Variants in HDGFL3 observed in about 807,000 individuals in gnomAD.
HDGFL3 encodes HDGF like 3.
Under a neutral mutation model 27.6 loss-of-function variants are expected in HDGFL3, and 6 were observed. That is an observed-to-expected ratio of 0.22 (90% confidence interval 0.12 to 0.43). The LOEUF is 0.43. HDGFL3 is among the 20% of genes least tolerant of loss of function. The pLI is 1.00. For synonymous variants in HDGFL3, 88 were observed against 88.9 expected (o/e 0.99, Z 0.05); for missense variants, 207 against 250.1 (o/e 0.83, Z 1.16).
At chr15:83,182,270 AAGT>A in intron 1 of HDGFL3, among the ~76,000 whole-genome samples, 1 of 152,354 alleles carries the variant, frequency 6.6e-6, no homozygotes, top group East Asian at 1.9e-4. Context: ...AGTAGGCATG[AAGT>A]AGTATCTTCT....
chr15:83,118,021 G>C (rs2034836978), intron 3 of HDGFL3, among the ~76,000 whole-genome samples: 1 of 152,200 alleles, frequency 6.6e-6, no homozygotes, highest in Admixed American at 6.5e-5. Flanking sequence ...ATGAAAAAAT[G>C]ACCATGTGGT....
intron 1 of HDGFL3, among the ~76,000 whole-genome samples, chr15:83,200,856 C>CTTTTTTTTTTTTTTTTTTTTTTT (rs200038603): frequency 3.3e-5 from 4 of 120,180 alleles, no homozygotes; most frequent in African/African-American, 6.1e-5. Context: ...TTACTTTATT[C>CTTTTTTTTTTTTTTTTTTTTTTT]TTTTTTTTTT....
chr15:83,184,791 G>T (rs1289592213), intron 1 of HDGFL3: 1 of 152,164 alleles, frequency 6.6e-6, no homozygotes, highest in Non-Finnish European at 1.5e-5. Flanking sequence ...TGTCAATATG[G>T]AACTACTCGA....
intron 4 of HDGFL3, among the ~76,000 whole-genome samples, chr15:83,151,609 A>G (rs2036964873): frequency 6.6e-6 from 1 of 152,232 alleles, no homozygotes. Context: ...AGTTATTTCC[A>G]GCAATGTGAT....
chr15:83,160,139 G>C (rs996646641), intron 2 of HDGFL3, among the ~76,000 whole-genome samples: 1 of 152,134 alleles, frequency 6.6e-6, no homozygotes, highest in Non-Finnish European at 1.5e-5. Context: ...TTGTTGATGG[G>C]CTGCATATGG....
chr15:83,157,860 A>G, intron 3 of HDGFL3, 43 bp downstream of exon 3: 1 of 1,577,546 alleles, frequency 6.3e-7, no homozygotes, highest in Non-Finnish European at 8.6e-7. Flanking sequence ...CGTTAAAACC[A>G]AAGAAATGAG....
chr15:83,169,236 T>C (rs759329065), intron 1 of HDGFL3: 1 of 447,618 alleles, frequency 2.2e-6, no homozygotes, highest in South Asian at 1.6e-5. Context: ...ACCACTCCTA[T>C]TCAACATAGT....
Position 83,170,888 on chromosome 15 carries a change from A to AC in HDGFL3, c.85-6814_85-6813insG, listed in dbSNP as rs553861016. 2.1e-3 allele frequency among the ~76,000 whole-genome samples: 321 copies of AC among 152,050 alleles called. 2 individuals carry two copies. The highest frequency in any genetic ancestry group is 3.8e-3 in the Non-Finnish European group (256 of 67,948). ...AGAATTCAACAAGCAAAAAAAAAAA[A>AC]AAACAAATAATCTCATTAAAAAATG... On this transcript the variant is annotated intron_variant, in intron 1 of 5. Coordinates refer to ENST00000299633, the MANE Select transcript of HDGFL3 (RefSeq NM_016073.4).
chr15:83,152,987 GTTCT>G (rs1202517440), intron 4 of HDGFL3, among the ~76,000 whole-genome samples: 3 of 142,454 alleles, frequency 2.1e-5, no homozygotes, highest in African/African-American at 7.8e-5. Context: ...TCGATACGCA[GTTCT>G]TTTTTTTTTT....
chr15:83,192,233 T>C (rs1174721956), intron 1 of HDGFL3: 1 of 453,366 alleles, frequency 2.2e-6, no homozygotes. Context: ...TGAGCCACAG[T>C]GCCTGACCTG....
At chr15:83,192,807 C>T (rs1252952882) in intron 1 of HDGFL3, among the ~76,000 whole-genome samples, 1 of 152,198 alleles carries the variant, frequency 6.6e-6, no homozygotes, top group African/African-American at 2.4e-5. Context: ...ATATGTACAA[C>T]ATCTGATTCA....
chr15:83,204,214 A>C (rs537559243), intron 1 of HDGFL3, among the ~76,000 whole-genome samples: 43 of 151,734 alleles, frequency 2.8e-4, no homozygotes, highest in African/African-American at 9.9e-4. Flanking sequence ...ACATATACTT[A>C]TATATATCAG....
chr15:83,183,407 C>T (rs1259025828), intron 1 of HDGFL3, among the ~76,000 whole-genome samples: 1 of 152,154 alleles, frequency 6.6e-6, no homozygotes, highest in African/African-American at 2.4e-5. Flanking sequence ...CTGTCTACAA[C>T]TTCTCCTTTA....
intron 1 of HDGFL3, among the ~76,000 whole-genome samples, chr15:83,202,328 G>C (rs1473296795): frequency 6.6e-6 from 1 of 152,084 alleles, no homozygotes; most frequent in East Asian, 1.9e-4. Context: ...TTATTCTTAT[G>C]CTTTACAAAG....
chr15:83,122,906 T>C, downstream of HDGFL3: 1 of 1,612,110 alleles, frequency 6.2e-7, no homozygotes, highest in Non-Finnish European at 8.5e-7. Flanking sequence ...TGATGTACCC[T>C]GTTCTCAAAC....
chr15:83,207,628 G>A lies in HDGFL3; in HGVS notation c.-214C>T, dbSNP rs1371772627. 2.5e-5 allele frequency: 6 copies of A among 242,152 alleles called. No individual in the cohort carries two copies. The highest frequency in any genetic ancestry group is 1.5e-4 in the South Asian group (1 of 6,468). 15.0% of individuals were successfully genotyped at this position (242,152 alleles called of 1,614,324 possible). The stretch of plus-strand genomic sequence containing the variant: ...CGGCAAATCACGGCCCGGCAGCGGG[G>A]GAGGGGAGCCCCCGGCCGTTCGGCG... On this transcript the variant is annotated 5_prime_UTR_variant, in exon 1 of 6. Coordinates refer to ENST00000299633, the MANE Select transcript of HDGFL3 (RefSeq NM_016073.4). The surrounding 1 kb of genome is among the most constrained non-coding windows in gnomAD (Gnocchi z 4.8).
In HDGFL3 at chr15:83,151,264, C is replaced by T. The variant is rs188845179; in HGVS notation, c.557G>A (p.Gly186Asp). 13 of 1,613,286 alleles carry T rather than the reference C, an allele frequency of 8.1e-6. No individual in the cohort carries two copies. The Admixed American group carries it at 2.2e-4, about 27-fold the overall frequency. The change falls in exon 5 of 6, where the codon GGC (glycine) becomes GAC (aspartate). Residue 186 changes from glycine (G) to aspartate (D), a missense_variant. Transcript: ENST00000299633. Reference sequence around the variant, plus strand: ...TGAAGTTGTGTTTCTTGTGTCGTTGCCCGCATCTCCACCCTCAGAGCTGCT... The same window carrying T: ...TGAAGTTGTGTTTCTTGTGTCGTTGTCCGCATCTCCACCCTCAGAGCTGCT... ...NKSSSEGGDA[G>D]NDTRNTTSDL...
intron 5 of HDGFL3, among the ~76,000 whole-genome samples, chr15:83,146,687 T>C (rs991670182): frequency 6.6e-6 from 1 of 152,220 alleles, no homozygotes; most frequent in Non-Finnish European, 1.5e-5. Flanking sequence ...GACTGAATAA[T>C]TGAATATGCC....
downstream of HDGFL3, chr15:83,124,637 T>C (rs2035564699): frequency 6.5e-7 from 1 of 1,549,808 alleles, no homozygotes. Context: ...CTTTGGCACT[T>C]TGGGCCTGCT....
Sources: allele counts gnomAD v4.1 joint callset (sites outside exome capture counted in the v4.1 genomes callset), GRCh38; gene constraint gnomAD v4.1.1; non-coding constraint Gnocchi (gnomAD v3.1); transcripts MANE v1.5; gene names NCBI Gene and HGNC (gene_info 2026-07-23, HGNC 2026-07-21).